Variants in MTO1 observed in about 807,000 individuals in gnomAD.
MTO1 encodes mitochondrial tRNA translation optimization 1.
Under a neutral mutation model 71.6 loss-of-function variants are expected in MTO1, and 46 were observed. The ratio of observed to expected loss-of-function variants is 0.64; its 90% CI spans 0.51 to 0.82. The LOEUF (loss-of-function observed/expected upper bound fraction) is 0.82. Among genes scored for constraint, MTO1 ranks in the 40% least tolerant of loss-of-function variants. MTO1 has a pLI of 0.00. For synonymous variants in MTO1, 297 were observed against 312.1 expected (o/e 0.95, Z 0.51); for missense variants, 773 against 867.5 (o/e 0.89, Z 1.37).
intron 4 of MTO1, among the ~76,000 whole-genome samples, chr6:73,476,638 T>C (rs1771331525): frequency 6.6e-6 from 1 of 152,110 alleles, no homozygotes; most frequent in South Asian, 2.1e-4. Flanking sequence ...TTTATTCTTA[T>C]TCTTTTTTTT....
chr6:73,486,227 TC>T (rs879486303), intron 9 of MTO1, among the ~76,000 whole-genome samples: 7 of 151,822 alleles, frequency 4.6e-5, no homozygotes, highest in Non-Finnish European at 1.0e-4. Flanking sequence ...ACAGACATAA[TC>T]CCCCCAAAAA....
Position 73,504,564 on chromosome 6 carries a change from C to G in MTO1, c.*3829C>G, listed in dbSNP as rs767095238. ...CTACTAAAGGCAAGAAATGGTATTA[C>G]TAAAACTCAAGTGAATAATTAAATG... On this transcript the variant is annotated 3_prime_UTR_variant, in exon 12 of 12. Transcript: ENST00000498286. 1 of 152,158 alleles carries G rather than the reference C, an allele frequency of 6.6e-6. No homozygotes were observed. The highest frequency in any genetic ancestry group is 1.5e-5 in the Non-Finnish European group (1 of 68,046). The allele number at this position is 152,158 out of a possible 1,614,324, so 9.4% of individuals were successfully genotyped here. A position where few individuals can be genotyped will look rare whatever the true frequency, so the allele number is the denominator to read the frequency against.
chr6:73,473,014 G>A (rs1308064394), intron 3 of MTO1, among the ~76,000 whole-genome samples: 3 of 152,162 alleles, frequency 2.0e-5, no homozygotes, highest in Non-Finnish European at 4.4e-5. Context: ...GGTGGCTCAC[G>A]CCTGTAAGTA....
At chr6:73,474,902 C>G (rs1490103453) in intron 4 of MTO1, among the ~76,000 whole-genome samples, 1 of 151,590 alleles carries the variant, frequency 6.6e-6, no homozygotes, top group East Asian at 1.9e-4. Flanking sequence ...ATTACAGGCT[C>G]CTGCCGCCAC....
chr6:73,494,907 G>A (rs1424112496), intron 10 of MTO1, among the ~76,000 whole-genome samples: 4 of 151,470 alleles, frequency 2.6e-5, no homozygotes, highest in African/African-American at 7.3e-5. Context: ...AGCCTCTCAG[G>A]TAGCTGGGAC....
At chr6:73,471,077 T>C (rs1045665162) in intron 3 of MTO1, among the ~76,000 whole-genome samples, 1 of 152,186 alleles carries the variant, frequency 6.6e-6, no homozygotes, top group Non-Finnish European at 1.5e-5. Flanking sequence ...TATGTACATG[T>C]CTTCATGCAT....
intron 7 of MTO1, 48 bp downstream of exon 7, chr6:73,480,853 G>A: frequency 6.3e-7 from 1 of 1,579,404 alleles, no homozygotes; most frequent in Non-Finnish European, 8.7e-7. Flanking sequence ...TATTTAACTG[G>A]TATTTCTCCT....
At chr6:73,494,428 G>T (rs952895002) in intron 10 of MTO1, among the ~76,000 whole-genome samples, 5 of 151,896 alleles carry the variant, frequency 3.3e-5, no homozygotes, top group African/African-American at 1.2e-4. Flanking sequence ...GAACCAGCCA[G>T]AATGGTGATC....
At chr6:73,476,007 G>A (rs1771305042) in intron 4 of MTO1, among the ~76,000 whole-genome samples, 2 of 152,118 alleles carry the variant, frequency 1.3e-5, no homozygotes, top group African/African-American at 4.8e-5. Flanking sequence ...ATTCTTAGAT[G>A]ACCTGCTTCT....
rs1205015668 is a variant in MTO1, at chr6:73,501,542, T to G, written c.*807T>G. 6.6e-6 allele frequency: 1 copy of G among 152,190 alleles called. No homozygotes were observed. Among genetic ancestry groups the G allele is most frequent in the Non-Finnish European group, 1.5e-5 (1 of 68,036 alleles). 9.4% of individuals were successfully genotyped at this position (152,190 alleles called of 1,614,324 possible). On this transcript the variant is annotated 3_prime_UTR_variant, in exon 12 of 12. Coordinates refer to ENST00000498286, the MANE Select transcript of MTO1 (RefSeq NM_012123.4). ...GTGTTTCCCTGTTTTTAAGTCAGAA[T>G]GACAGAAAAAACAGAATAGTGGTAG...
intron 10 of MTO1, among the ~76,000 whole-genome samples, chr6:73,495,691 T>C (rs1332530121): frequency 6.6e-6 from 1 of 152,136 alleles, no homozygotes. Flanking sequence ...CTTTGTATTC[T>C]CTCTCTTGTT....
At chr6:73,480,969 G>GT (rs398001972) in intron 7 of MTO1, 164 bp downstream of exon 7, 3,386 of 230,722 alleles carry the variant, frequency 0.015, 2 homozygotes, top group Middle Eastern at 0.028. Context: ...AGATAATAGG[G>GT]TTTTTTTTTT....
intron 4 of MTO1, among the ~76,000 whole-genome samples, chr6:73,478,077 C>T (rs1469809842): frequency 3.3e-5 from 5 of 151,164 alleles, no homozygotes; most frequent in South Asian, 4.2e-4. Flanking sequence ...GGTGAAACCC[C>T]GTCTCTACTA....
intron 11 of MTO1, 79 bp from the exon 12 acceptor site, chr6:73,500,495 A>T: frequency 7.9e-7 from 1 of 1,271,740 alleles, no homozygotes; most frequent in African/African-American, 1.5e-5. Flanking sequence ...TATACTATAC[A>T]GATTGTTATT....
At chr6:73,468,109 G>A (rs947562669) in intron 3 of MTO1, among the ~76,000 whole-genome samples, 5 of 151,524 alleles carry the variant, frequency 3.3e-5, no homozygotes, top group African/African-American at 9.7e-5. Context: ...GTGAGCCACC[G>A]CACCCAGCCA....
At chr6:73,466,629 G>A in intron 3 of MTO1, 23 bp downstream of exon 3, 4 of 1,569,860 alleles carry the variant, frequency 2.5e-6, no homozygotes. Flanking sequence ...TATAGATGGT[G>A]TATGATAACA....
At chr6:73,481,925 G>A (rs1771505192) in intron 7 of MTO1, 115 bp from the exon 8 acceptor site, 3 of 1,063,696 alleles carry the variant, frequency 2.8e-6, no homozygotes, top group Admixed American at 1.9e-5. Flanking sequence ...ATATCCCTTA[G>A]GGGCAATACT....
At chr6:73,488,713 AG>A (rs1771726467) in intron 9 of MTO1, among the ~76,000 whole-genome samples, 2 of 151,672 alleles carry the variant, frequency 1.3e-5, no homozygotes, top group Non-Finnish European at 2.9e-5. Context: ...GTTCAAGACG[AG>A]CCTGGCCAGT....
intron 4 of MTO1, among the ~76,000 whole-genome samples, chr6:73,479,013 C>T (rs1189374623): frequency 6.6e-6 from 1 of 150,912 alleles, no homozygotes; most frequent in African/African-American, 2.4e-5. Context: ...CTCAGCCTCC[C>T]GAGTAGCTGG....
Sources: allele counts gnomAD v4.1 joint callset (sites outside exome capture counted in the v4.1 genomes callset), GRCh38; gene constraint gnomAD v4.1.1; transcripts MANE v1.5; gene names NCBI Gene and HGNC (gene_info 2026-07-23, HGNC 2026-07-21).